Variants in DGKI observed in about 807,000 individuals in gnomAD.
The protein encoded by DGKI is diacylglycerol kinase iota.
DGKI carries 55 observed loss-of-function variants against 147.5 expected under a neutral mutation model. That is an observed-to-expected ratio of 0.37 (90% confidence interval 0.30 to 0.47). The LOEUF (loss-of-function observed/expected upper bound fraction) is 0.47. Among genes scored for constraint, DGKI ranks in the 20% least tolerant of loss-of-function variants. DGKI has a pLI of 1.00. For synonymous variants in DGKI, 469 were observed against 477.1 expected (o/e 0.98, Z 0.22); for missense variants, 1,007 against 1,323.8 (o/e 0.76, Z 3.71).
intron 17 of DGKI, among the ~76,000 whole-genome samples, chr7:137,576,211 G>A (rs996034618): frequency 6.6e-6 from 1 of 151,310 alleles, no homozygotes; most frequent in African/African-American, 2.4e-5. Flanking sequence ...CTAATTTTTT[G>A]TATTTTGATA....
chr7:137,438,197 A>G (rs1421387483), intron 28 of DGKI, among the ~76,000 whole-genome samples: 1 of 152,142 alleles, frequency 6.6e-6, no homozygotes, highest in Non-Finnish European at 1.5e-5. Flanking sequence ...ATTTTTACAT[A>G]GAATACATTA....
intron 1 of DGKI, among the ~76,000 whole-genome samples, chr7:137,791,900 C>T (rs1796865878): frequency 6.6e-6 from 1 of 152,180 alleles, no homozygotes; most frequent in South Asian, 2.1e-4. Flanking sequence ...TACACATGCG[C>T]AGTTGAATAC....
intron 27 of DGKI, 75 bp from the exon 28 acceptor site, chr7:137,444,177 AT>A: frequency 1.1e-6 from 1 of 915,764 alleles, no homozygotes; most frequent in South Asian, 1.7e-5. Flanking sequence ...TTTCATAGTA[AT>A]TTTACCCTCA....
intron 1 of DGKI, among the ~76,000 whole-genome samples, chr7:137,733,846 G>A (rs1794950444): frequency 6.6e-6 from 1 of 152,040 alleles, no homozygotes; most frequent in Non-Finnish European, 1.5e-5. Context: ...TTTGTAAGGA[G>A]GTAAGGTAGT....
intron 1 of DGKI, among the ~76,000 whole-genome samples, chr7:137,791,662 C>T (rs1252866731): frequency 2.0e-5 from 3 of 152,184 alleles, no homozygotes; most frequent in Admixed American, 1.3e-4. Context: ...AACAAAAAAA[C>T]CTTTTAGCTC....
chr7:137,613,149 G>A (rs1585285710), intron 8 of DGKI, among the ~76,000 whole-genome samples: 1 of 152,066 alleles, frequency 6.6e-6, no homozygotes, highest in East Asian at 1.9e-4. Flanking sequence ...CAGGTTATAA[G>A]ATCACAAATG....
intron 28 of DGKI, among the ~76,000 whole-genome samples, chr7:137,425,524 C>G (rs1288477463): frequency 6.6e-6 from 1 of 152,178 alleles, no homozygotes; most frequent in African/African-American, 2.4e-5. Context: ...AGTTCCTCAC[C>G]AGCAACAGAA....
chr7:137,519,129 G>A (rs1033844784), intron 21 of DGKI, among the ~76,000 whole-genome samples: 2 of 151,988 alleles, frequency 1.3e-5, no homozygotes, highest in African/African-American at 2.4e-5. Flanking sequence ...AAATTTTTCC[G>A]GGATATTATT....
chr7:137,804,184 C>T (rs1239912808), intron 1 of DGKI, among the ~76,000 whole-genome samples: 2 of 152,194 alleles, frequency 1.3e-5, no homozygotes, highest in Admixed American at 1.3e-4. Context: ...AGCAGTGTGG[C>T]ATTGACTTTG....
chr7:137,664,448 A>G (rs1294693061), intron 3 of DGKI, among the ~76,000 whole-genome samples: 1 of 151,994 alleles, frequency 6.6e-6, no homozygotes, highest in African/African-American at 2.4e-5. Context: ...GAAAGCATAG[A>G]GGCTGCATGA....
At chr7:137,441,768 T>C (rs1813519807) in intron 28 of DGKI, among the ~76,000 whole-genome samples, 1 of 152,226 alleles carries the variant, frequency 6.6e-6, no homozygotes, top group Non-Finnish European at 1.5e-5. Flanking sequence ...TATATTCCAA[T>C]TTCACAATCC....
intron 20 of DGKI, among the ~76,000 whole-genome samples, 161 bp downstream of exon 20, chr7:137,552,208 A>C (rs1044770122): frequency 6.6e-6 from 1 of 152,200 alleles, no homozygotes; most frequent in Admixed American, 6.5e-5. Flanking sequence ...ACAAGGAGAA[A>C]AAAACTCTAT....
At chr7:137,575,368 C>G (rs1015280592) in intron 17 of DGKI, among the ~76,000 whole-genome samples, 1 of 152,124 alleles carries the variant, frequency 6.6e-6, no homozygotes. Flanking sequence ...TAAAGTCACC[C>G]ATGCATGAGA....
chr7:137,699,846 T>C (rs2116504770), intron 1 of DGKI, among the ~76,000 whole-genome samples: 1 of 152,238 alleles, frequency 6.6e-6, no homozygotes, highest in East Asian at 1.9e-4. Flanking sequence ...AAACTGATGG[T>C]ATCGCTGACT....
rs1462896353 is a variant in DGKI at position 137,846,837 on chromosome 7, T to G, written c.26A>C (p.His9Pro). MDAAGRGCHLLPLPAARGP... is the reference protein window; with the variant it reads MDAAGRGCPLLPLPAARGP... ...GCGCGCCGCTGGCAGGGGCAGCAAA[T>G]GGCAGCCCCTTCCCGCAGCATCCAT... Residue 9 changes from histidine to proline, a missense_variant, in exon 1 of 33, where the codon CAT (histidine) becomes CCT (proline). This residue lies in a region of DGKI where 137 missense variants were observed against 114.4 expected (regional missense o/e 1.20). Coordinates refer to ENST00000614521, the MANE Select transcript of DGKI (RefSeq NM_001321708.2). This position sits in a 1 kb window ranked among gnomAD's most constrained non-coding sequence, Gnocchi z 4.0. The G allele has an allele frequency of 1.8e-6, 2 of 1,140,266 alleles. No individual in the cohort carries two copies. The highest frequency in any genetic ancestry group is 4.3e-5 in the South Asian group (1 of 23,478). The allele number at this position is 1,140,266 out of a possible 1,614,324, so 70.6% of individuals were successfully genotyped here.
At chr7:137,729,313 G>A (rs1794801645) in intron 1 of DGKI, among the ~76,000 whole-genome samples, 1 of 152,056 alleles carries the variant, frequency 6.6e-6, no homozygotes. Context: ...CTTACTCTGA[G>A]ATGGCAAAGG....
chr7:137,405,821 C>A (rs1350027645), intron 30 of DGKI, among the ~76,000 whole-genome samples: 1 of 152,152 alleles, frequency 6.6e-6, no homozygotes, highest in Non-Finnish European at 1.5e-5. Flanking sequence ...CCTTCCACAG[C>A]CCTCCCAGCT....
chr7:137,434,361 C>A (rs1813200552), intron 28 of DGKI, among the ~76,000 whole-genome samples: 1 of 152,140 alleles, frequency 6.6e-6, no homozygotes, highest in South Asian at 2.1e-4. Context: ...AGGCAGATTG[C>A]CTGAGGTCAG....
intron 20 of DGKI, 147 bp downstream of exon 20, chr7:137,552,222 T>C: frequency 2.8e-6 from 2 of 718,740 alleles, no homozygotes; most frequent in Non-Finnish European, 4.6e-6. Context: ...ACTCTATGTG[T>C]TCCTATGAGA....
Sources: gnomAD v4.1 joint callset for allele counts (sites outside exome capture counted in the v4.1 genomes callset) on GRCh38, gnomAD v4.1.1 for gene constraint, gnomAD v4.1.1 regional missense constraint, Gnocchi (gnomAD v3.1) non-coding constraint, MANE v1.5 for transcripts, NCBI Gene and HGNC (gene_info 2026-07-23, HGNC 2026-07-21) for gene names.